Variants in FOXN3 observed in about 807,000 individuals in gnomAD.
FOXN3 encodes the protein forkhead box protein N3.
A neutral mutation model predicts 38.4 loss-of-function variants in FOXN3; 7 were observed. The ratio of observed to expected loss-of-function variants is 0.18; its 90% CI spans 0.10 to 0.34. The LOEUF is 0.34. Ranked by LOEUF, FOXN3 falls within the 10% of genes least tolerant of loss-of-function variation. The pLI is 1.00. For missense variants in FOXN3, 456 were observed against 613.4 expected, an observed-to-expected ratio of 0.74 and a Z score of 2.71; for synonymous variants, 230 against 242.2, an observed-to-expected ratio of 0.95 and a Z score of 0.47.
chr14:89,584,752 G>A (rs1055035805), intron 1 of FOXN3, among the ~76,000 whole-genome samples: 2 of 150,444 alleles, frequency 1.3e-5, no homozygotes, highest in Non-Finnish European at 3.0e-5. Flanking sequence ...TCACTCTGTC[G>A]CCCAGGCTGG....
chr14:89,218,875 G>C (rs10148944), intron 4 of FOXN3, among the ~76,000 whole-genome samples: 2,742 of 152,212 alleles, frequency 0.018, 81 homozygotes, highest in African/African-American at 0.062. Flanking sequence ...GTGGCATTAG[G>C]AACCAACGTA....
At chr14:89,237,368 C>G (rs1262369565) in intron 4 of FOXN3, among the ~76,000 whole-genome samples, 1 of 152,182 alleles carries the variant, frequency 6.6e-6, no homozygotes, top group Admixed American at 6.5e-5. Context: ...AATGGGATCA[C>G]TCACCCACGG....
intron 1 of FOXN3, among the ~76,000 whole-genome samples, chr14:89,508,207 A>T (rs140162676): frequency 1.2e-3 from 188 of 152,294 alleles, no homozygotes; most frequent in African/African-American, 4.1e-3. Flanking sequence ...TGCATAAGGG[A>T]CCTGGCAATA....
At position 89,511,678 on chromosome 14, in the gene FOXN3, G is replaced by A. The variant is rs965166045; in HGVS notation, c.-14-99188C>T. The stretch of plus-strand genomic sequence containing the variant: ...GTGGTCTTTGCAGTCCTGATATGAA[G>A]AGTATTGTATTAGTCCATTCTCACA... On this transcript the variant is annotated intron_variant, in intron 1 of 6. Coordinates refer to the FOXN3 transcript ENST00000345097. 2.6e-5 allele frequency among the ~76,000 whole-genome samples: 4 copies of A among 152,230 alleles called. No individual in the cohort carries two copies. The South Asian group carries it at 8.3e-4, about 32-fold the overall frequency.
intron 4 of FOXN3, among the ~76,000 whole-genome samples, chr14:89,197,049 G>C (rs1234641065): frequency 6.6e-6 from 1 of 152,118 alleles, no homozygotes; most frequent in Non-Finnish European, 1.5e-5. Flanking sequence ...TTTTCCACAG[G>C]GCTAATGTGT....
At chr14:89,385,765 C>T (rs189941123) in intron 2 of FOXN3, among the ~76,000 whole-genome samples, 80 of 152,318 alleles carry the variant, frequency 5.3e-4, no homozygotes, top group African/African-American at 1.7e-3. Flanking sequence ...CAAGATCATG[C>T]CATTGCATTC....
intron 1 of FOXN3, among the ~76,000 whole-genome samples, chr14:89,492,271 A>G (rs1893593201): frequency 6.6e-6 from 1 of 152,190 alleles, no homozygotes; most frequent in South Asian, 2.1e-4. Context: ...TGCAGCTTTC[A>G]CACAGAGAAG....
chr14:89,179,716 C>T lies in FOXN3; in HGVS notation c.851+985G>A, dbSNP rs142519460. ...CTAAAGCATGGGGCTAATCGGTTCA[C>T]GGCAAAGAGAAGTTTCTCTGATGCT... On this transcript the variant is annotated intron_variant, in intron 5 of 5. Transcript: ENST00000557258. Among the ~76,000 whole-genome samples, 52 of 152,170 alleles carry T rather than the reference C, an allele frequency of 3.4e-4. 1 individual carries two copies. The East Asian group carries it at 8.5e-3, about 25-fold the overall frequency.
intron 4 of FOXN3, among the ~76,000 whole-genome samples, chr14:89,195,512 C>T (rs1035823051): frequency 2.0e-5 from 3 of 152,166 alleles, no homozygotes; most frequent in African/African-American, 7.2e-5. Flanking sequence ...GGAAGCATTT[C>T]AGGGAACTGG....
rs769767896 is a variant in FOXN3, at chr14:89,544,135, G to A, written c.-15+74893C>T. On this transcript the variant is annotated intron_variant, in intron 1 of 6. Coordinates refer to the FOXN3 transcript ENST00000345097. Reference sequence around the variant, plus strand: ...TTTTGAGACAGAGTCTTGCTCTGTCGCCCAGGCTGGAGTCTCCTGCCTCAG... The same window carrying A: ...TTTTGAGACAGAGTCTTGCTCTGTCACCCAGGCTGGAGTCTCCTGCCTCAG... 6.0e-4 allele frequency among the ~76,000 whole-genome samples: 91 copies of A among 150,682 alleles called. 1 individual carries two copies. Among genetic ancestry groups the A allele is most frequent in the African/African-American group, 9.5e-4 (39 of 40,992 alleles).
chr14:89,598,357 C>A (rs922053917), intron 1 of FOXN3, among the ~76,000 whole-genome samples: 5 of 152,056 alleles, frequency 3.3e-5, no homozygotes, highest in Admixed American at 3.3e-4. Flanking sequence ...GAGCCTTGAT[C>A]GGGGATAATT....
At chr14:89,574,622 A>G (rs556423544) in intron 1 of FOXN3, among the ~76,000 whole-genome samples, 7 of 152,144 alleles carry the variant, frequency 4.6e-5, no homozygotes, top group Non-Finnish European at 1.0e-4. Flanking sequence ...TCCCTCCCAT[A>G]GTGTTGGTAC....
In FOXN3 at chr14:89,416,923, G is replaced by A. The variant is rs1257196849; in HGVS notation, c.-67C>T. ...GGGGCGCCGCTGCCCTTCAGCAGGA[G>A]CCGACAAACTTTCGCGGGCGCCCGG... On this transcript the variant is annotated 5_prime_UTR_variant, in exon 1 of 6. Transcript: ENST00000557258. 2 of 151,508 alleles carry A rather than the reference G, an allele frequency of 1.3e-5. No homozygotes were observed. Among genetic ancestry groups the A allele is most frequent in the East Asian group, 3.9e-4 (2 of 5,086 alleles). 9.4% of individuals were successfully genotyped at this position (151,508 alleles called of 1,614,324 possible).
chr14:89,490,188 C>T (rs1466749606), intron 1 of FOXN3, among the ~76,000 whole-genome samples: 1 of 152,144 alleles, frequency 6.6e-6, no homozygotes, highest in Non-Finnish European at 1.5e-5. Context: ...TCTGAACTTG[C>T]CTGAATTCAG....
chr14:89,417,841 G>A (rs771774349), upstream of FOXN3: 1 of 440,478 alleles, frequency 2.3e-6, no homozygotes, highest in South Asian at 1.6e-5. Context: ...TGTCTCCCGA[G>A]GGAGGGCCGG....
At chr14:89,195,952 T>TTA (rs1305694068) in intron 4 of FOXN3, among the ~76,000 whole-genome samples, 2 of 152,042 alleles carry the variant, frequency 1.3e-5, no homozygotes, top group Non-Finnish European at 2.9e-5. Context: ...CTGAATAGAG[T>TTA]TATGACCAAC....
chr14:89,336,598 T>C (rs188304735), intron 3 of FOXN3, among the ~76,000 whole-genome samples: 1 of 152,298 alleles, frequency 6.6e-6, no homozygotes, highest in African/African-American at 2.4e-5. Flanking sequence ...TGACCTGCTC[T>C]TTATAGGCAC....
chr14:89,243,446 G>C (rs1842836102), intron 4 of FOXN3, among the ~76,000 whole-genome samples: 1 of 152,148 alleles, frequency 6.6e-6, no homozygotes, highest in South Asian at 2.1e-4. Flanking sequence ...ATTATAAATA[G>C]CCTCTTTTAA....
chr14:89,245,289 C>G (rs1044387031), intron 4 of FOXN3, among the ~76,000 whole-genome samples: 2 of 152,084 alleles, frequency 1.3e-5, no homozygotes, highest in African/African-American at 2.4e-5. Flanking sequence ...ATCTTCCTGA[C>G]GCTCCACGGA....
Sources: allele counts gnomAD v4.1 joint callset (sites outside exome capture counted in the v4.1 genomes callset), GRCh38; gene constraint gnomAD v4.1.1; transcripts MANE v1.5; gene names NCBI Gene and HGNC (gene_info 2026-07-23, HGNC 2026-07-21).